The following USP7 variants were observed in gnomAD, a reference collection of about 807,000 sequenced individuals.
USP7 encodes ubiquitin C-terminal hydrolase 7.
Under a neutral mutation model 162.9 loss-of-function variants are expected in USP7, and 9 were observed. The observed-to-expected ratio is 0.06, with a 90% CI of 0.03 to 0.10. The LOEUF is 0.10. Among genes scored for constraint, USP7 ranks in the 10% least tolerant of loss-of-function variants. The pLI, the probability that USP7 is intolerant of heterozygous loss-of-function variation, is 1.00. For missense variants in USP7, 715 were observed against 1,373.7 expected, an observed-to-expected ratio of 0.52 and a Z score of 7.58; for synonymous variants, 562 against 475.9, an observed-to-expected ratio of 1.18 and a Z score of -2.35.
intron 1 of USP7, among the ~76,000 whole-genome samples, chr16:8,945,129 G>A (rs1395385056): frequency 3.3e-5 from 5 of 152,010 alleles, no homozygotes; most frequent in East Asian, 1.9e-4. Flanking sequence ...GGTGGCGGGC[G>A]CCTGTAATCT....
intron 1 of USP7, among the ~76,000 whole-genome samples, chr16:8,932,464 A>C (rs921228346): frequency 6.6e-6 from 1 of 152,170 alleles, no homozygotes; most frequent in Non-Finnish European, 1.5e-5. Context: ...ACTAGTCCCT[A>C]GACCATCATG....
intron 1 of USP7, among the ~76,000 whole-genome samples, chr16:8,952,203 T>C (rs1160771550): frequency 1.3e-5 from 2 of 152,116 alleles, no homozygotes; most frequent in Non-Finnish European, 1.5e-5. Context: ...TTAACGGTGA[T>C]TGCGCCACTG....
chr16:8,938,493 A>C (rs534534858), intron 1 of USP7, among the ~76,000 whole-genome samples: 1 of 152,188 alleles, frequency 6.6e-6, no homozygotes, highest in East Asian at 1.9e-4. Flanking sequence ...CAGGTGGATC[A>C]CAAGGTCAGG....
At chr16:8,900,835 T>C (rs543980298) in intron 20 of USP7, 155 bp downstream of exon 20, 3 of 809,528 alleles carry the variant, frequency 3.7e-6, no homozygotes, top group East Asian at 5.5e-5. Context: ...AAAAAAAAAA[T>C]TCACAAATCT....
chr16:8,950,965 T>G lies in USP7; in HGVS notation c.79+12242A>C, dbSNP rs182909601. Among the ~76,000 whole-genome samples, 432 of 152,264 alleles carry G rather than the reference T, an allele frequency of 2.8e-3. 4 individuals carry two copies. The highest frequency in any genetic ancestry group is 3.0e-3 in the Non-Finnish European group (206 of 68,012). ...TGACCAGTTAAGTAACCATTCAAGCTAAGATCTGTGCACAGACTGAAAAAA... is the reference window on the plus strand; with the variant it reads ...TGACCAGTTAAGTAACCATTCAAGCGAAGATCTGTGCACAGACTGAAAAAA... On this transcript the variant is annotated intron_variant, in intron 1 of 30. Coordinates refer to ENST00000344836, the MANE Select transcript of USP7 (RefSeq NM_003470.3).
chr16:8,915,615 CAA>C, intron 8 of USP7, 90 bp from the exon 9 acceptor site: 9 of 1,164,374 alleles, frequency 7.7e-6, no homozygotes, highest in Non-Finnish European at 1.1e-5. Context: ...TATCAATGTT[CAA>C]AGAAGTTGTA....
At chr16:8,923,770 T>C (rs1020152366) in intron 2 of USP7, among the ~76,000 whole-genome samples, 2 of 152,130 alleles carry the variant, frequency 1.3e-5, no homozygotes, top group African/African-American at 2.4e-5. Flanking sequence ...ATGGCTCATA[T>C]CTGTTCAAGG....
rs549397031 is a variant in USP7 at position 8,913,649 on chromosome 16, A to T, written c.1078+1605T>A. On this transcript the variant is annotated intron_variant, in intron 10 of 30. Coordinates refer to ENST00000344836, the MANE Select transcript of USP7 (RefSeq NM_003470.3). The stretch of plus-strand genomic sequence containing the variant: ...ACTCATCTCAGCCGACCCGCACTAA[A>T]TGATTCCTAACGAGAATCCATATCC... Among the ~76,000 whole-genome samples, 6 of 152,208 alleles carry T rather than the reference A, an allele frequency of 3.9e-5. No individual in the cohort carries two copies. The East Asian group carries it at 1.2e-3, about 29-fold the overall frequency.
chr16:8,950,653 T>C lies in USP7; in HGVS notation c.79+12554A>G, dbSNP rs561146684. ...AACCCAGCCCTGTCTGCCACGAACA[T>C]GGCACTGCTAATTGTCCAAGATTCA... On this transcript the variant is annotated intron_variant, in intron 1 of 30. Transcript: ENST00000344836. Among the ~76,000 whole-genome samples the C allele has an allele frequency of 1.2e-4, 19 of 152,286 alleles. No homozygotes were observed. In the South Asian group the frequency reaches 3.5e-3, roughly 28 times the overall value.
intron 1 of USP7, among the ~76,000 whole-genome samples, chr16:8,943,551 G>C (rs186391071): frequency 1.3e-5 from 2 of 150,774 alleles, no homozygotes; most frequent in Non-Finnish European, 2.9e-5. Context: ...AAACACAAAC[G>C]ACTAACCAAC....
chr16:8,907,610 C>T (rs1383449402), intron 12 of USP7, among the ~76,000 whole-genome samples: 1 of 152,176 alleles, frequency 6.6e-6, no homozygotes, highest in African/African-American at 2.4e-5. Context: ...AATCCCAGCA[C>T]TTTGGGAGGC....
chr16:8,897,017 T>G lies in USP7; in HGVS notation c.2801A>C (p.Lys934Thr), dbSNP rs1440617810. ...TACTTGCCTAAGTTTCCCTGATGCT[T>G]TCTCCCCAAGCTCCACGGCCTTTTT... is the stretch of plus-strand genomic sequence containing the variant. ...ECKKAVELGE[K>T]ASGKLRLLEI... Residue 934 changes from lysine to threonine, a missense_variant, in exon 26 of 31, where the codon AAA (lysine) becomes ACA (threonine). Transcript: ENST00000344836. The G allele has an allele frequency of 6.2e-7, 1 of 1,613,980 alleles. No individual in the cohort carries two copies. The highest frequency in any genetic ancestry group is 8.5e-7 in the Non-Finnish European group (1 of 1,179,952).
intron 18 of USP7, 44 bp downstream of exon 18, chr16:8,902,038 A>C: frequency 6.6e-7 from 1 of 1,510,394 alleles, no homozygotes; most frequent in Non-Finnish European, 9.2e-7. Context: ...CAGGAATCCA[A>C]CGCTACTGCT....
chr16:8,895,922 C>A (rs866218900), intron 26 of USP7, among the ~76,000 whole-genome samples, 181 bp from the exon 27 acceptor site: 3 of 151,650 alleles, frequency 2.0e-5, no homozygotes, highest in African/African-American at 7.3e-5. Context: ...CTGCAACCTC[C>A]GCCTCCCGGG....
chr16:8,934,193 A>G (rs931372558), intron 1 of USP7, among the ~76,000 whole-genome samples: 2 of 152,232 alleles, frequency 1.3e-5, no homozygotes, highest in Non-Finnish European at 2.9e-5. Context: ...TTTTCTGTAC[A>G]TAAAACTTCA....
intron 27 of USP7, 36 bp from the exon 28 acceptor site, chr16:8,895,186 G>A (rs377694607): frequency 6.2e-7 from 1 of 1,613,856 alleles, no homozygotes; most frequent in Non-Finnish European, 8.5e-7. Flanking sequence ...TTCTGTAAGT[G>A]CAAGTGATGT....
At chr16:8,912,700 CTGAT>C (rs1046538673) in intron 10 of USP7, among the ~76,000 whole-genome samples, 6 of 151,486 alleles carry the variant, frequency 4.0e-5, no homozygotes, top group African/African-American at 1.5e-4. Context: ...GGCGGGCAGA[CTGAT>C]TGGGCACAGG....
intron 2 of USP7, among the ~76,000 whole-genome samples, chr16:8,926,491 T>C (rs748689294): frequency 1.3e-5 from 2 of 151,814 alleles, no homozygotes; most frequent in African/African-American, 2.4e-5. Flanking sequence ...TCCAAAAAAA[T>C]TCAAGATAGG....
intron 1 of USP7, among the ~76,000 whole-genome samples, chr16:8,947,120 T>C (rs192258249): frequency 3.9e-5 from 6 of 152,232 alleles, no homozygotes; most frequent in East Asian, 1.9e-4. Context: ...GTAAGATTGG[T>C]TTTTTCATAT....
Sources: gnomAD v4.1 joint callset for allele counts (sites outside exome capture counted in the v4.1 genomes callset) on GRCh38, gnomAD v4.1.1 for gene constraint, MANE v1.5 for transcripts, NCBI Gene and HGNC (gene_info 2026-07-23, HGNC 2026-07-21) for gene names.